Variants in KCTD8 observed in about 807,000 individuals in gnomAD.
KCTD8 encodes BTB/POZ domain-containing protein KCTD8.
A neutral mutation model predicts 31.5 loss-of-function variants in KCTD8; 27 were observed. The ratio of observed to expected loss-of-function variants is 0.86; its 90% CI spans 0.63 to 1.18. The LOEUF is 1.18. KCTD8 is among the 50% of genes most tolerant of loss of function. KCTD8 has a pLI of 0.00. For missense variants in KCTD8, 658 were observed against 647.7 expected (o/e 1.02, Z -0.17); for synonymous variants, 290 against 280.0 (o/e 1.04, Z -0.36).
chr4:44,384,152 C>A (rs13137958), intron 1 of KCTD8, among the ~76,000 whole-genome samples: 9,249 of 143,040 alleles, frequency 0.065, 877 homozygotes, highest in African/African-American at 0.21. Context: ...CAAAAAAAAA[C>A]AAAAAAAAAT....
intron 1 of KCTD8, among the ~76,000 whole-genome samples, chr4:44,434,506 C>T (rs889834940): frequency 1.7e-4 from 26 of 151,938 alleles, no homozygotes; most frequent in Non-Finnish European, 3.2e-4. Context: ...CTGGTTTACT[C>T]GAGAACACTC....
intron 1 of KCTD8, among the ~76,000 whole-genome samples, chr4:44,238,807 C>T (rs1577569809): frequency 1.3e-5 from 2 of 152,224 alleles, no homozygotes; most frequent in Admixed American, 6.5e-5. Flanking sequence ...TTTCTTTACA[C>T]AGGAATTAAC....
intron 1 of KCTD8, among the ~76,000 whole-genome samples, chr4:44,290,091 C>T (rs989638996): frequency 3.9e-5 from 6 of 151,910 alleles, no homozygotes; most frequent in African/African-American, 1.5e-4. Flanking sequence ...TAATGACATG[C>T]ACAAGATCAA....
chr4:44,421,705 T>C (rs73247556), intron 1 of KCTD8, among the ~76,000 whole-genome samples: 9,219 of 152,160 alleles, frequency 0.061, 362 homozygotes, highest in Middle Eastern at 0.11. Context: ...CATAGGGGTA[T>C]CATGTCACTA....
At chr4:44,369,994 A>G (rs531317085) in intron 1 of KCTD8, among the ~76,000 whole-genome samples, 1 of 152,302 alleles carries the variant, frequency 6.6e-6, no homozygotes, top group East Asian at 1.9e-4. Flanking sequence ...AAATACCTAC[A>G]TATTTCAAAT....
At chr4:44,301,633 G>T (rs1717626303) in intron 1 of KCTD8, among the ~76,000 whole-genome samples, 1 of 152,122 alleles carries the variant, frequency 6.6e-6, no homozygotes, top group South Asian at 2.1e-4. Context: ...TGTCAGATGA[G>T]TAGGTTGTGA....
At chr4:44,267,450 C>G (rs568021748) in intron 1 of KCTD8, among the ~76,000 whole-genome samples, 1 of 152,024 alleles carries the variant, frequency 6.6e-6, no homozygotes, top group African/African-American at 2.4e-5. Flanking sequence ...CAGGAAAGAT[C>G]CAAAATTGAC....
chr4:44,178,055 G>A (rs1353893895), intron 1 of KCTD8, among the ~76,000 whole-genome samples: 1 of 152,096 alleles, frequency 6.6e-6, no homozygotes, highest in Non-Finnish European at 1.5e-5. Flanking sequence ...AATAGGTTTG[G>A]GGTCCTACTG....
intron 1 of KCTD8, among the ~76,000 whole-genome samples, chr4:44,283,453 T>C (rs1201938648): frequency 6.6e-6 from 1 of 152,106 alleles, no homozygotes; most frequent in East Asian, 1.9e-4. Context: ...AAAGGACAGG[T>C]TGACTCTCTT....
At chr4:44,302,621 G>C (rs1474147057) in intron 1 of KCTD8, among the ~76,000 whole-genome samples, 2 of 151,956 alleles carry the variant, frequency 1.3e-5, no homozygotes, top group African/African-American at 4.8e-5. Flanking sequence ...ATTTTGGGCT[G>C]AGACAATGGG....
At chr4:44,231,397 G>A (rs1345484367) in intron 1 of KCTD8, among the ~76,000 whole-genome samples, 1 of 151,922 alleles carries the variant, frequency 6.6e-6, no homozygotes, top group African/African-American at 2.4e-5. Context: ...CTCCAGGAAG[G>A]GATTTATCTA....
intron 1 of KCTD8, among the ~76,000 whole-genome samples, chr4:44,358,890 T>C (rs963224478): frequency 6.6e-5 from 10 of 152,232 alleles, no homozygotes; most frequent in African/African-American, 2.4e-4. Flanking sequence ...GGTATCTCAC[T>C]GTGGTTTTGA....
chr4:44,249,815 TTTTC>T (rs1715774240), intron 1 of KCTD8, among the ~76,000 whole-genome samples: 2 of 151,612 alleles, frequency 1.3e-5, no homozygotes, highest in East Asian at 3.9e-4. Context: ...CCTTCCCTTC[TTTTC>T]TTTCTCTACT....
chr4:44,196,701 G>A (rs555543335), intron 1 of KCTD8, among the ~76,000 whole-genome samples: 1 of 152,268 alleles, frequency 6.6e-6, no homozygotes, highest in East Asian at 1.9e-4. Flanking sequence ...GAAAGGGTGA[G>A]AGAGGAAGAG....
intron 1 of KCTD8, among the ~76,000 whole-genome samples, chr4:44,437,483 G>C (rs970266874): frequency 4.6e-5 from 7 of 152,110 alleles, no homozygotes; most frequent in African/African-American, 1.4e-4. Context: ...ATATGATTCA[G>C]TACCTTAAAA....
chr4:44,188,105 C>T (rs1380837061), intron 1 of KCTD8, among the ~76,000 whole-genome samples: 1 of 152,060 alleles, frequency 6.6e-6, no homozygotes, highest in Non-Finnish European at 1.5e-5. Context: ...TATTGGATCT[C>T]TTCAGATCTT....
At chr4:44,199,162 T>C (rs996771448) in intron 1 of KCTD8, among the ~76,000 whole-genome samples, 2 of 152,076 alleles carry the variant, frequency 1.3e-5, no homozygotes, top group Non-Finnish European at 2.9e-5. Context: ...AAGTTCTTTT[T>C]GACTACAAAA....
chr4:44,255,435 T>TA (rs1560407413), intron 1 of KCTD8, among the ~76,000 whole-genome samples: 1 of 151,944 alleles, frequency 6.6e-6, no homozygotes, highest in African/African-American at 2.4e-5. Context: ...TCTAAGCATT[T>TA]AAAAAATTTT....
At chr4:44,264,188 AAAG>A (rs150605454) in intron 1 of KCTD8, among the ~76,000 whole-genome samples, 18,033 of 152,190 alleles carry the variant, frequency 0.12, 1,302 homozygotes, top group East Asian at 0.24. Context: ...CCTAAATAAT[AAAG>A]AAGAACCACC....
Sources: allele counts gnomAD v4.1 joint callset (sites outside exome capture counted in the v4.1 genomes callset), GRCh38; gene constraint gnomAD v4.1.1; transcripts MANE v1.5; gene names NCBI Gene and HGNC (gene_info 2026-07-23, HGNC 2026-07-21).